ALK: variants seen among roughly 807,000 people sequenced by gnomAD.
The protein encoded by ALK is ALK receptor tyrosine kinase.
A neutral mutation model predicts 163.1 loss-of-function variants in ALK; 74 were observed. That is an observed-to-expected ratio of 0.45 (90% CI 0.38 to 0.55). ALK has a LOEUF of 0.55. Among genes scored for constraint, ALK ranks in the 20% least tolerant of loss-of-function variants. ALK has a pLI of 0.00. For synonymous variants in ALK, 960 were observed against 843.2 expected (o/e 1.14, Z -2.40); for missense variants, 2,063 against 2,105.3 (o/e 0.98, Z 0.39).
chr2:29,889,642 C>T (rs1667084988), intron 1 of ALK, among the ~76,000 whole-genome samples: 1 of 148,758 alleles, frequency 6.7e-6, no homozygotes, highest in Admixed American at 6.8e-5. Flanking sequence ...ATGCACAGAC[C>T]CCCAGTACTG....
chr2:29,914,407 CCATT>C (rs1432254977), intron 1 of ALK, among the ~76,000 whole-genome samples: 1 of 152,190 alleles, frequency 6.6e-6, no homozygotes, highest in Non-Finnish European at 1.5e-5. Context: ...CCAGATGGCA[CCATT>C]CAGACAGACT....
rs1012990116 is a variant in ALK, at chr2:29,227,449, C to G, written c.2914+125G>C. On this transcript the variant is annotated intron_variant, in intron 17 of 28. Transcript: ENST00000389048. The surrounding 1 kb of genome is among the most constrained non-coding windows in gnomAD (Gnocchi z 4.4). ...ATGTGGTGACCTGCGCCATAGGAAG[C>G]TTGCCTGCCAGGGACCCATAATTGT... is the stretch of plus-strand genomic sequence containing the variant. 11 of 897,554 alleles carry G rather than the reference C, an allele frequency of 1.2e-5. No individual in the cohort carries two copies. Among genetic ancestry groups the G allele is most frequent in the Admixed American group, 3.5e-5 (2 of 57,922 alleles). 55.6% of individuals were successfully genotyped at this position (897,554 alleles called of 1,614,324 possible). A position where few individuals can be genotyped will look rare whatever the true frequency, so the allele number is the denominator to read the frequency against.
At chr2:29,283,659 G>A (rs756872519) in intron 9 of ALK, among the ~76,000 whole-genome samples, 1 of 152,032 alleles carries the variant, frequency 6.6e-6, no homozygotes, top group Non-Finnish European at 1.5e-5. Context: ...TAGTTGGTGG[G>A]GCCCTGGGCA....
intron 3 of ALK, among the ~76,000 whole-genome samples, chr2:29,538,286 G>A (rs1164062771): frequency 1.3e-5 from 2 of 152,150 alleles, no homozygotes; most frequent in Non-Finnish European, 2.9e-5. Context: ...GGAGTCTGGT[G>A]GGAGGTGATT....
intron 4 of ALK, among the ~76,000 whole-genome samples, chr2:29,512,160 T>A (rs774008919): frequency 6.4e-4 from 98 of 152,220 alleles, no homozygotes; most frequent in Non-Finnish European, 9.6e-4. Context: ...TTTTCTCTTA[T>A]GTTTTATTCC....
chr2:29,776,129 G>A (rs2148347458), intron 1 of ALK, among the ~76,000 whole-genome samples: 1 of 151,340 alleles, frequency 6.6e-6, no homozygotes, highest in Middle Eastern at 3.4e-3. Flanking sequence ...CACAGCACAA[G>A]GCTTAATTAT....
intron 4 of ALK, among the ~76,000 whole-genome samples, chr2:29,434,404 T>A (rs1670349251): frequency 6.6e-6 from 1 of 152,206 alleles, no homozygotes; most frequent in African/African-American, 2.4e-5. Flanking sequence ...CCTGGGAATA[T>A]CAAATTCATA....
rs141669331 is a variant in ALK, at chr2:29,707,059, G to A, written c.787+10519C>T. Among the ~76,000 whole-genome samples, 542 of 143,824 alleles carry A rather than the reference G, an allele frequency of 3.8e-3. 3 individuals carry two copies. The highest frequency in any genetic ancestry group is 0.013 in the African/African-American group (511 of 39,706). The allele number at this position is 143,824 out of a possible 152,430, so 94.4% of individuals were successfully genotyped here. On this transcript the variant is annotated intron_variant, in intron 2 of 28. Transcript: ENST00000389048. ...GTAAGGAAGTCTCTAACAGAATGAA[G>A]CAGGCTCCAGAGGGCATGGTGAAAT...
chr2:29,639,640 C>G (rs982762469), intron 3 of ALK, among the ~76,000 whole-genome samples: 2 of 152,072 alleles, frequency 1.3e-5, no homozygotes, highest in East Asian at 1.9e-4. Flanking sequence ...TCTACAGTTA[C>G]AAAAATTGAG....
intron 3 of ALK, among the ~76,000 whole-genome samples, chr2:29,568,567 AACTCCACACCC>A (rs1241310943): frequency 6.6e-6 from 1 of 152,004 alleles, no homozygotes; most frequent in African/African-American, 2.4e-5. Context: ...GGGTCCCTGG[AACTCCACACCC>A]ACTCCAGAAG....
intron 1 of ALK, among the ~76,000 whole-genome samples, chr2:29,859,503 C>T (rs1275841350): frequency 6.6e-6 from 1 of 151,984 alleles, no homozygotes; most frequent in Non-Finnish European, 1.5e-5. Context: ...CAGACAGTTC[C>T]AAAAAATGGA....
rs139843638 is a variant in ALK, at chr2:29,431,690, T to G, written c.1155-47831A>C. 3.6e-3 allele frequency among the ~76,000 whole-genome samples: 542 copies of G among 152,276 alleles called. 2 individuals carry two copies. The highest frequency in any genetic ancestry group is 5.8e-3 in the Non-Finnish European group (394 of 68,020). On this transcript the variant is annotated intron_variant, in intron 4 of 28. Transcript: ENST00000389048. Reference sequence around the variant, plus strand: ...GTCTGTCTATAACCTCAGATTTGTATGATAACTAGGTCATGGTGATGGTGC... The same window carrying G: ...GTCTGTCTATAACCTCAGATTTGTAGGATAACTAGGTCATGGTGATGGTGC...
chr2:29,483,824 T>C (rs1371797214), intron 4 of ALK, among the ~76,000 whole-genome samples: 1 of 152,214 alleles, frequency 6.6e-6, no homozygotes. Context: ...CTCCATCTTA[T>C]TAATGTTTTC....
intron 2 of ALK, among the ~76,000 whole-genome samples, chr2:29,711,566 T>C (rs1440091949): frequency 6.6e-6 from 1 of 151,758 alleles, no homozygotes; most frequent in African/African-American, 2.4e-5. Flanking sequence ...ACTGTTGACA[T>C]CCCTTCTCCC....
chr2:29,679,869 A>G (rs113842671), intron 3 of ALK, among the ~76,000 whole-genome samples: 2,117 of 152,040 alleles, frequency 0.014, 43 homozygotes, highest in African/African-American at 0.049. Context: ...TTTATTGTAA[A>G]ACAGGTCTGC....
Position 29,504,973 on chromosome 2 carries a change from A to G in ALK, c.1154+26942T>C, listed in dbSNP as rs531994360. On this transcript the variant is annotated intron_variant, in intron 4 of 28. Transcript: ENST00000389048. ...TGAGTCCAGGGTGACTGTGACAGTG[A>G]GCAAGCAAGGATGAGGGCTGGAGGT... is the stretch of plus-strand genomic sequence containing the variant. 3.9e-5 allele frequency among the ~76,000 whole-genome samples: 6 copies of G among 152,272 alleles called. No homozygotes were observed. The East Asian group carries it at 1.2e-3, about 29-fold the overall frequency.
intron 3 of ALK, among the ~76,000 whole-genome samples, chr2:29,644,607 C>A (rs776926830): frequency 5.1e-5 from 7 of 137,970 alleles, no homozygotes. Context: ...GCAGCAACTT[C>A]TCCATTCATG....
At chr2:29,256,165 G>T (rs1664944369) in intron 11 of ALK, among the ~76,000 whole-genome samples, 1 of 152,200 alleles carries the variant, frequency 6.6e-6, no homozygotes, top group Non-Finnish European at 1.5e-5. Flanking sequence ...AGCAAGAGTG[G>T]TTCCAGGGGA....
intron 1 of ALK, among the ~76,000 whole-genome samples, chr2:29,909,470 GACAGACAGAC>G (rs1244169050): frequency 1.8e-4 from 24 of 131,850 alleles, no homozygotes; most frequent in South Asian, 1.5e-3. Context: ...CACAGAGAGA[GACAGACAGAC>G]AGAGAGAGAG....
Sources: allele counts gnomAD v4.1 joint callset (sites outside exome capture counted in the v4.1 genomes callset), GRCh38; gene constraint gnomAD v4.1.1; non-coding constraint Gnocchi (gnomAD v3.1); transcripts MANE v1.5; gene names NCBI Gene and HGNC (gene_info 2026-07-23, HGNC 2026-07-21).